SLC6A6: variants seen among roughly 807,000 people sequenced by gnomAD.
SLC6A6 encodes the protein solute carrier family 6 member 6.
SLC6A6 carries 16 observed loss-of-function variants against 68.8 expected under a neutral mutation model. The ratio of observed to expected loss-of-function variants is 0.23; its 90% CI spans 0.16 to 0.35. The LOEUF (loss-of-function observed/expected upper bound fraction) is 0.35, where lower values mean the gene tolerates loss of function less well. Among genes scored for constraint, SLC6A6 ranks in the 10% least tolerant of loss-of-function variants. The pLI is 1.00. For missense variants in SLC6A6, 474 were observed against 802.8 expected (o/e 0.59, Z 4.95); for synonymous variants, 312 against 315.4 (o/e 0.99, Z 0.12).
chr3:14,436,531 CTTTTTTTTTTTTTT>C (rs58996264), intron 2 of SLC6A6, among the ~76,000 whole-genome samples: 70 of 112,478 alleles, frequency 6.2e-4, no homozygotes, highest in Non-Finnish European at 8.7e-4. Context: ...CAACAACTCC[CTTTTTTTTTTTTTT>C]TTTTTTTTTT....
At chr3:14,420,888 G>A (rs1038570085) in intron 2 of SLC6A6, among the ~76,000 whole-genome samples, 31 of 152,208 alleles carry the variant, frequency 2.0e-4, no homozygotes, top group Middle Eastern at 3.2e-3. Flanking sequence ...GTGTTGTGCC[G>A]CCAATTTCCC....
At chr3:14,473,332 A>C (rs1700797261) in intron 10 of SLC6A6, among the ~76,000 whole-genome samples, 1 of 152,180 alleles carries the variant, frequency 6.6e-6, no homozygotes, top group Non-Finnish European at 1.5e-5. Flanking sequence ...CGCCATGCAC[A>C]TGGGCCACTG....
intron 1 of SLC6A6, among the ~76,000 whole-genome samples, chr3:14,405,037 C>T (rs1156568): frequency 0.91 from 139,210 of 152,276 alleles, 63,701 homozygotes; most frequent in Admixed American, 0.93. Context: ...TTTGCCTTGA[C>T]TGGACAAAAT....
chr3:14,447,525 C>A lies in SLC6A6; in HGVS notation c.365-57C>A, dbSNP rs1574941316. ...CATGGCCTTCCAGTTGAGTATGTGG[C>A]CGTGGTGGGTCTGGCCTCCCTCAGA... is the stretch of plus-strand genomic sequence containing the variant. On this transcript the variant is annotated intron_variant, in intron 4 of 14. Transcript: ENST00000622186. 7 of 1,596,608 alleles carry A rather than the reference C, an allele frequency of 4.4e-6. No individual in the cohort carries two copies. The East Asian group carries it at 1.6e-4, about 36-fold the overall frequency.
intron 1 of SLC6A6, among the ~76,000 whole-genome samples, chr3:14,413,685 C>T (rs1301661663): frequency 1.3e-5 from 2 of 151,890 alleles, no homozygotes; most frequent in African/African-American, 4.8e-5. Flanking sequence ...GATGACCTCT[C>T]TGGCTGTGTG....
chr3:14,435,551 C>T (rs574968052), intron 2 of SLC6A6, among the ~76,000 whole-genome samples: 11 of 152,320 alleles, frequency 7.2e-5, no homozygotes, highest in East Asian at 1.9e-4. Context: ...GGCTTTGTTC[C>T]GGGCAAAACA....
At position 14,466,601 on chromosome 3, in the gene SLC6A6, G is replaced by T; in HGVS notation, c.818G>T (p.Gly273Val). 1 of 1,612,812 alleles carries T rather than the reference G, an allele frequency of 6.2e-7. No individual in the cohort carries two copies. Among genetic ancestry groups the T allele is most frequent in the Non-Finnish European group, 8.5e-7 (1 of 1,179,234 alleles). The change falls in exon 7 of 15, where the codon GGC becomes GTC. Residue 273 changes from glycine (G) to valine (V), a missense_variant. Gly to Val is a moderately radical substitution (Grantham distance 109, BLOSUM62 -3). This residue lies in a region of SLC6A6 where 280 missense variants were observed against 533.1 expected (regional missense o/e 0.53). Transcript: ENST00000622186. Reference sequence around the variant, plus strand: ...CTGACGCTGCCGGGCGCGGGCGCAGGCATCAAGTTCTATCTGTATCCTGAC... The same window carrying T: ...CTGACGCTGCCGGGCGCGGGCGCAGTCATCAAGTTCTATCTGTATCCTGAC... ...RGLTLPGAGAGIKFYLYPDIT... is the reference protein window; with the variant it reads ...RGLTLPGAGAVIKFYLYPDIT...
intron 1 of SLC6A6, among the ~76,000 whole-genome samples, chr3:14,404,117 C>T (rs1264292691): frequency 6.6e-6 from 1 of 152,208 alleles, no homozygotes; most frequent in Admixed American, 6.5e-5. Context: ...ACTAAATTGG[C>T]CCCCGCTTTG....
At chr3:14,419,407 C>T (rs12638941) in intron 2 of SLC6A6, among the ~76,000 whole-genome samples, 73,922 of 152,042 alleles carry the variant, frequency 0.49, 20,438 homozygotes, top group East Asian at 0.92. Context: ...GGGCATGATG[C>T]GGACATGGGA....
intron 3 of SLC6A6, 105 bp from the exon 4 acceptor site, chr3:14,445,612 C>T: frequency 7.7e-7 from 1 of 1,290,602 alleles, no homozygotes; most frequent in Middle Eastern, 2.1e-4. Context: ...GCCTCATGCC[C>T]CTCATGCATT....
At chr3:14,478,403 T>C (rs1700931414) in intron 11 of SLC6A6, 63 bp from the exon 12 acceptor site, 1 of 963,380 alleles carries the variant, frequency 1.0e-6, no homozygotes, top group Admixed American at 1.8e-5. Flanking sequence ...CAGAGCTCTT[T>C]GTATATGAAA....
chr3:14,486,269 C>CT lies in SLC6A6; in HGVS notation c.*1263dup, dbSNP rs1701160572. ...ATGCCACCCTGGGCTGCCCTGGCAC[C>CT]TAGCAAGGCACACCAAGAACAGCTT... is the stretch of plus-strand genomic sequence containing the variant. On this transcript the variant is annotated 3_prime_UTR_variant, in exon 15 of 15. Transcript: ENST00000622186. The CT allele has an allele frequency of 6.6e-6, 1 of 152,636 alleles. No homozygotes were observed. Among genetic ancestry groups the CT allele is most frequent in the Non-Finnish European group, 1.5e-5 (1 of 68,054 alleles). The allele number at this position is 152,636 out of a possible 1,614,324, so 9.5% of individuals were successfully genotyped here. A position where few individuals can be genotyped will look rare whatever the true frequency, so the allele number is the denominator to read the frequency against.
At chr3:14,434,378 G>C (rs1462536386) in intron 2 of SLC6A6, among the ~76,000 whole-genome samples, 2 of 152,226 alleles carry the variant, frequency 1.3e-5, no homozygotes, top group Non-Finnish European at 2.9e-5. Flanking sequence ...CTACTTTGTT[G>C]TTTTCTGTGT....
intron 2 of SLC6A6, among the ~76,000 whole-genome samples, chr3:14,436,987 G>A (rs1440312871): frequency 6.6e-6 from 1 of 152,186 alleles, no homozygotes; most frequent in Non-Finnish European, 1.5e-5. Context: ...AGCAGCTACA[G>A]TAGTTGAGAA....
chr3:14,439,229 G>C (rs1699928126), intron 2 of SLC6A6, among the ~76,000 whole-genome samples: 1 of 152,242 alleles, frequency 6.6e-6, no homozygotes, highest in Non-Finnish European at 1.5e-5. Flanking sequence ...TCGCTTCCCT[G>C]CGTGAGCCTC....
chr3:14,424,953 G>C (rs1157545544), intron 2 of SLC6A6, among the ~76,000 whole-genome samples: 1 of 152,180 alleles, frequency 6.6e-6, no homozygotes. Flanking sequence ...CGTTCAGCTG[G>C]TATTTTCCCA....
At chr3:14,422,275 C>T (rs972496857) in intron 2 of SLC6A6, among the ~76,000 whole-genome samples, 1 of 152,102 alleles carries the variant, frequency 6.6e-6, no homozygotes, top group Non-Finnish European at 1.5e-5. Flanking sequence ...CCGCAGGGAC[C>T]CTCAGGGTGC....
Position 14,468,337 on chromosome 3 carries a change from C to A in SLC6A6, c.1096+125C>A, listed in dbSNP as rs551002295. ...GACGAGCCTGGTTTCTAAAATGGAC[C>A]CCCCCCCCGCCACCAAGATATCCCC... On this transcript the variant is annotated intron_variant, in intron 9 of 14. Transcript: ENST00000622186. This position sits in a 1 kb window ranked among gnomAD's most constrained non-coding sequence, Gnocchi z 4.5. 9 of 708,344 alleles carry A rather than the reference C, an allele frequency of 1.3e-5. No homozygotes were observed. The highest frequency in any genetic ancestry group is 7.7e-5 in the African/African-American group (4 of 52,048). 43.9% of individuals were successfully genotyped at this position (708,344 alleles called of 1,614,324 possible). A position where few individuals can be genotyped will look rare whatever the true frequency, so the allele number is the denominator to read the frequency against.
intron 2 of SLC6A6, among the ~76,000 whole-genome samples, chr3:14,420,811 A>C (rs73132917): frequency 1.4e-4 from 21 of 152,330 alleles, no homozygotes; most frequent in African/African-American, 4.6e-4. Context: ...TAAAAGACAA[A>C]TAACTTAAAG....
Sources: allele counts gnomAD v4.1 joint callset (sites outside exome capture counted in the v4.1 genomes callset), GRCh38; gene constraint gnomAD v4.1.1; regional missense constraint gnomAD v4.1.1; non-coding constraint Gnocchi (gnomAD v3.1); transcripts MANE v1.5; gene names NCBI Gene and HGNC (gene_info 2026-07-23, HGNC 2026-07-21).